Variants in JAKMIP3 observed in about 807,000 individuals in gnomAD.
JAKMIP3 encodes Janus kinase and microtubule interacting protein 3, also known as janus kinase and microtubule-interacting protein 3.
In JAKMIP3, 58 loss-of-function variants were observed where a neutral mutation model predicts 118.5. That is an observed-to-expected ratio of 0.49 (90% CI 0.40 to 0.61). The LOEUF is 0.61. Ranked by LOEUF, JAKMIP3 falls within the 20% of genes least tolerant of loss-of-function variation. JAKMIP3 has a pLI of 0.00. For synonymous variants in JAKMIP3, 486 were observed against 451.2 expected (o/e 1.08, Z -0.98); for missense variants, 950 against 1,109.0 (o/e 0.86, Z 2.04).
At position 132,118,230 on chromosome 10, in the gene JAKMIP3, A is replaced by T. The variant is rs1165142293; in HGVS notation, c.633+656A>T. ...GCATCTGGTGCAGCCTAATAGCTCC[A>T]GAGACCTGGGCACCCATGGCAGGCA... On this transcript the variant is annotated intron_variant, in intron 3 of 23. Coordinates refer to ENST00000684848, the MANE Select transcript of JAKMIP3 (RefSeq NM_001323087.2). The surrounding 1 kb of genome is among the most constrained non-coding windows in gnomAD (Gnocchi z 4.8). Among the ~76,000 whole-genome samples the T allele has an allele frequency of 1.3e-5, 2 of 152,184 alleles. No homozygotes were observed. Among genetic ancestry groups the T allele is most frequent in the Non-Finnish European group, 2.9e-5 (2 of 68,018 alleles).
intron 1 of JAKMIP3, among the ~76,000 whole-genome samples, chr10:132,059,032 G>A (rs1443329950): frequency 6.6e-6 from 1 of 152,332 alleles, no homozygotes; most frequent in Admixed American, 6.5e-5. Context: ...TGGAGCCGTC[G>A]GATGCCCGGC....
intron 9 of JAKMIP3, 39 bp downstream of exon 9, chr10:132,138,217 G>GGGTGTGTGCGGAGAGGACCACGCCC (rs2052284989): frequency 3.2e-6 from 5 of 1,551,874 alleles, no homozygotes; most frequent in Non-Finnish European, 4.4e-6. Context: ...AGAGTACGCC[G>GGGTGTGTGCGGAGAGGACCACGCCC]GGTGTGTGCG....
At chr10:132,058,045 C>T (rs1220918104) in intron 1 of JAKMIP3, among the ~76,000 whole-genome samples, 2 of 152,232 alleles carry the variant, frequency 1.3e-5, no homozygotes, top group South Asian at 2.1e-4. Context: ...CTGCCTGCCA[C>T]ATCCTTCCCT....
At position 132,163,121 on chromosome 10, in the gene JAKMIP3, C is replaced by T. The variant is rs374646714; in HGVS notation, c.2221-88C>T. On this transcript the variant is annotated intron_variant, in intron 19 of 23. Coordinates refer to ENST00000684848, the MANE Select transcript of JAKMIP3 (RefSeq NM_001323087.2). ...ATATCCTCTTGGCCCTGCTCCCAGG[C>T]GGAGGGTGGCCCGGCCTCCGTTGCC... 1.8e-5 allele frequency: 23 copies of T among 1,271,400 alleles called. No homozygotes were observed. The East Asian group carries it at 2.0e-4, about 11-fold the overall frequency. The allele number at this position is 1,271,400 out of a possible 1,614,324, so 78.8% of individuals were successfully genotyped here.
chr10:132,071,800 C>CTTCTTTCCTTTCCT (rs1316707905), intron 1 of JAKMIP3, among the ~76,000 whole-genome samples: 18 of 121,644 alleles, frequency 1.5e-4, no homozygotes, highest in African/African-American at 5.6e-4. Context: ...TCCTTCCTTC[C>CTTCTTTCCTTTCCT]TTCTTTCCTT....
rs533520343 is a variant in JAKMIP3, at chr10:132,179,813, C to T, written c.*1104-2544C>T. ...CACACCATTATCGCAGCCCTATAATCGGGAGGCATGGCTGGATCTGCAAGG... is the reference window on the plus strand; with the variant it reads ...CACACCATTATCGCAGCCCTATAATTGGGAGGCATGGCTGGATCTGCAAGG... On this transcript the variant is annotated intron_variant, in intron 23 of 23. Coordinates refer to ENST00000684848, the MANE Select transcript of JAKMIP3 (RefSeq NM_001323087.2). The surrounding 1 kb of genome is among the most constrained non-coding windows in gnomAD (Gnocchi z 4.3). Among the ~76,000 whole-genome samples, 29 of 149,168 alleles carry T rather than the reference C, an allele frequency of 1.9e-4. No individual in the cohort carries two copies. Among genetic ancestry groups the T allele is most frequent in the South Asian group, 6.2e-4 (3 of 4,820 alleles).
At chr10:132,106,201 G>A (rs9419201) in intron 2 of JAKMIP3, among the ~76,000 whole-genome samples, 33,816 of 151,760 alleles carry the variant, frequency 0.22, 4,268 homozygotes, top group African/African-American at 0.35. Context: ...ACGCAGGTGC[G>A]GTGGTATGCT....
chr10:132,180,548 TGC>T (rs1172639647), intron 23 of JAKMIP3, among the ~76,000 whole-genome samples: 4,011 of 30,760 alleles, frequency 0.13, 1,250 homozygotes, highest in East Asian at 0.24. Flanking sequence ...TGTGTGTGCG[TGC>T]GTGCATGCGT....
rs563684204 is a variant in JAKMIP3, at chr10:132,147,524, C to T, written c.1750-428C>T. Among the ~76,000 whole-genome samples the T allele has an allele frequency of 5.3e-5, 8 of 152,336 alleles. No homozygotes were observed. In the East Asian group the frequency reaches 5.8e-4, roughly 11 times the overall value. ...CACAGCCTGGGCTCCAAGGGGCACC[C>T]GGGAGCCACCTGGGACATTTACCCT... On this transcript the variant is annotated intron_variant, in intron 13 of 23. Transcript: ENST00000684848.
chr10:132,080,420 A>G lies in JAKMIP3; in HGVS notation c.-138+14359A>G, dbSNP rs367733451. Among the ~76,000 whole-genome samples, 5 of 143,692 alleles carry G rather than the reference A, an allele frequency of 3.5e-5. No homozygotes were observed. In the East Asian group the frequency reaches 8.0e-4, roughly 23 times the overall value. 94.3% of individuals were successfully genotyped at this position (143,692 alleles called of 152,430 possible). A position where few individuals can be genotyped will look rare whatever the true frequency, so the allele number is the denominator to read the frequency against. ...TTTTATGTGCTTATTGGCCATTTGT[A>G]TATCTTCTCTGGAGAAATGTGTATT... is the stretch of plus-strand genomic sequence containing the variant. On this transcript the variant is annotated intron_variant, in intron 1 of 23. Coordinates refer to ENST00000684848, the MANE Select transcript of JAKMIP3 (RefSeq NM_001323087.2).
Position 132,182,420 on chromosome 10 carries a change from G to A in JAKMIP3, c.*1167G>A, listed in dbSNP as rs1337079371. The A allele has an allele frequency of 3.9e-5, 6 of 152,216 alleles. No individual in the cohort carries two copies. The highest frequency in any genetic ancestry group is 3.9e-4 in the East Asian group (2 of 5,192). The allele number at this position is 152,216 out of a possible 1,614,324, so 9.4% of individuals were successfully genotyped here. A position where few individuals can be genotyped will look rare whatever the true frequency, so the allele number is the denominator to read the frequency against. ...GATTTCCATTCCTGCTGGGAGACCC[G>A]GGACGCAGCCCGGGAGCTTCGTCCA... On this transcript the variant is annotated 3_prime_UTR_variant, in exon 24 of 24. Transcript: ENST00000684848.
chr10:132,171,648 C>CTT lies in JAKMIP3; in HGVS notation c.*1103+2617_*1103+2618dup, dbSNP rs1324091102. On this transcript the variant is annotated intron_variant, in intron 23 of 23. Transcript: ENST00000684848. ...CCTGATGTCCCTGTCTTATTTTTTT[C>CTT]TTTCTTTTTTTTTTTTTTTTTTGAG... is the stretch of plus-strand genomic sequence containing the variant. 3.3e-4 allele frequency among the ~76,000 whole-genome samples: 41 copies of CTT among 125,574 alleles called. 1 individual carries two copies. The highest frequency in any genetic ancestry group is 1.3e-3 in the African/African-American group (40 of 29,926). 82.4% of individuals were successfully genotyped at this position (125,574 alleles called of 152,430 possible). A position where few individuals can be genotyped will look rare whatever the true frequency, so the allele number is the denominator to read the frequency against.
rs776839956 is a variant in JAKMIP3, at chr10:132,104,905, A to G, written c.97A>G (p.Thr33Ala). ...AANEDLRAKLTDIQIELQQEK... is the reference protein window; with the variant it reads ...AANEDLRAKLADIQIELQQEK... ...CAACGAGGATCTTCGAGCCAAGCTC[A>G]CAGACATCCAGATCGAGCTGCAGCA... Residue 33 changes from threonine (T) to alanine (A), a missense_variant, in exon 2 of 24, where the codon ACA becomes GCA. Thr to Ala is a moderately conservative substitution (Grantham distance 58). Transcript: ENST00000684848. The G allele has an allele frequency of 5.0e-6, 8 of 1,588,552 alleles. No individual in the cohort carries two copies. Among genetic ancestry groups the G allele is most frequent in the Admixed American group, 1.8e-5 (1 of 56,936 alleles).
chr10:132,080,453 T>A (rs931710650), intron 1 of JAKMIP3, among the ~76,000 whole-genome samples: 1 of 151,012 alleles, frequency 6.6e-6, no homozygotes, highest in African/African-American at 2.4e-5. Flanking sequence ...ATTCAAATCC[T>A]TCCTAATTTT....
intron 19 of JAKMIP3, among the ~76,000 whole-genome samples, chr10:132,154,279 G>T (rs1341770142): frequency 6.6e-6 from 1 of 152,320 alleles, no homozygotes; most frequent in East Asian, 1.9e-4. Flanking sequence ...ACAGAAACAT[G>T]CCCGGATTCC....
chr10:132,067,726 C>G (rs78784418), intron 1 of JAKMIP3, among the ~76,000 whole-genome samples: 54,213 of 116,160 alleles, frequency 0.47, 11,973 homozygotes, highest in Admixed American at 0.61. Context: ...CGTGTGGACT[C>G]TGGGCTTCCA....
At chr10:132,055,122 G>A (rs1232046703) in intron 1 of JAKMIP3, among the ~76,000 whole-genome samples, 1 of 152,188 alleles carries the variant, frequency 6.6e-6, no homozygotes, top group Non-Finnish European at 1.5e-5. Context: ...TCTCTCTCCA[G>A]GGGCCTGAGC....
chr10:132,098,160 C>CAGGG, intron 1 of JAKMIP3, among the ~76,000 whole-genome samples: 1 of 151,882 alleles, frequency 6.6e-6, no homozygotes, highest in Admixed American at 6.6e-5. Flanking sequence ...CTCAGCCTCC[C>CAGGG]AGGGAGCTGG....
intron 14 of JAKMIP3, 84 bp from the exon 15 acceptor site, chr10:132,149,328 C>A: frequency 2.3e-6 from 2 of 880,406 alleles, no homozygotes; most frequent in Admixed American, 2.4e-5. Context: ...TGGTCTTGGC[C>A]CGTGTTCCTC....
Sources: gnomAD v4.1 joint callset for allele counts (sites outside exome capture counted in the v4.1 genomes callset) on GRCh38, gnomAD v4.1.1 for gene constraint, Gnocchi (gnomAD v3.1) non-coding constraint, MANE v1.5 for transcripts, NCBI Gene and HGNC (gene_info 2026-07-23, HGNC 2026-07-21) for gene names.